PSMD3: variants seen among roughly 807,000 people sequenced by gnomAD.
The protein encoded by PSMD3 is proteasome 26S subunit, non-ATPase 3.
Under a neutral mutation model 62.8 loss-of-function variants are expected in PSMD3, and 5 were observed. That is an observed-to-expected ratio of 0.08 (90% confidence interval 0.04 to 0.17). The LOEUF (loss-of-function observed/expected upper bound fraction) is 0.17, where lower values mean the gene tolerates loss of function less well. Ranked by LOEUF, PSMD3 falls within the 10% of genes least tolerant of loss-of-function variation. The probability of loss-of-function intolerance (pLI) is 1.00; values close to 1 mark genes in which losing one functional copy is unlikely to be tolerated. For missense variants in PSMD3, 524 were observed against 713.6 expected (o/e 0.73, Z 3.03); for synonymous variants, 265 against 283.9 (o/e 0.93, Z 0.67).
intron 10 of PSMD3, 141 bp from the exon 11 acceptor site, chr17:39,997,189 C>A: frequency 1.4e-6 from 1 of 734,622 alleles, no homozygotes. Context: ...GATGCCTAGC[C>A]CCCCACTAGA....
chr17:39,992,067 G>A (rs1315476048), intron 6 of PSMD3, among the ~76,000 whole-genome samples: 4 of 148,266 alleles, frequency 2.7e-5, no homozygotes, highest in African/African-American at 5.0e-5. Context: ...TTTGAAAGAT[G>A]GGTAGGATTT....
In PSMD3 at chr17:39,996,357, CAG is replaced by C. The variant is rs1356025482; in HGVS notation, c.1476+22_1476+23del. 1.2e-6 allele frequency: 2 copies of C among 1,610,748 alleles called. No individual in the cohort carries two copies. Among genetic ancestry groups the C allele is most frequent in the Non-Finnish European group, 1.7e-6 (2 of 1,178,360 alleles). ...TGTCAAGGTGAGAAGCCCGTGGCTG[CAG>C]AGTCACGCCTGGCAGCAGCACACCC... On this transcript the variant is annotated intron_variant, in intron 10 of 11. Coordinates refer to ENST00000264639, the MANE Select transcript of PSMD3 (RefSeq NM_002809.4). This position sits in a 1 kb window ranked among gnomAD's most constrained non-coding sequence, Gnocchi z 5.1.
At chr17:39,997,430 G>T (rs1279003003) in intron 11 of PSMD3, 50 bp downstream of exon 11, 7 of 1,604,340 alleles carry the variant, frequency 4.4e-6, no homozygotes, top group Non-Finnish European at 5.9e-6. Context: ...CTTCCACACA[G>T]AAGGGGAGTC....
At chr17:39,992,077 T>C (rs1315708117) in intron 6 of PSMD3, among the ~76,000 whole-genome samples, 1 of 151,792 alleles carries the variant, frequency 6.6e-6, no homozygotes, top group African/African-American at 2.4e-5. Context: ...GGGTAGGATT[T>C]TCACAAGGAG....
intron 2 of PSMD3, 127 bp downstream of exon 2, chr17:39,984,611 C>A: frequency 1.2e-6 from 1 of 826,532 alleles, no homozygotes; most frequent in East Asian, 2.7e-5. Flanking sequence ...CAAAGCAGTC[C>A]ATTTGAATAC....
chr17:39,997,102 C>T (rs982607025), intron 10 of PSMD3, among the ~76,000 whole-genome samples: 1 of 152,184 alleles, frequency 6.6e-6, no homozygotes, highest in Admixed American at 6.5e-5. Flanking sequence ...TTTTCCTCCT[C>T]CCTGCCCAGT....
At chr17:39,989,326 A>G (rs555814302) in intron 4 of PSMD3, among the ~76,000 whole-genome samples, 1 of 151,738 alleles carries the variant, frequency 6.6e-6, no homozygotes, top group Admixed American at 6.6e-5. Context: ...TGTCCAGAAC[A>G]CTCTTCTCTC....
rs1176435530 is a variant in PSMD3, at chr17:39,995,687, C to CAG, written c.1320+167_1320+168dup. 2 of 710,066 alleles carry CAG rather than the reference C, an allele frequency of 2.8e-6. No individual in the cohort carries two copies. The highest frequency in any genetic ancestry group is 3.4e-5 in the South Asian group (2 of 58,020). 44.0% of individuals were successfully genotyped at this position (710,066 alleles called of 1,614,324 possible). ...ATTTGCAGTGAAGCCAAGAAGTTGC[C>CAG]AGAGAGAGCATGGATGTGCATGTGA... On this transcript the variant is annotated intron_variant, in intron 9 of 11. Transcript: ENST00000264639. This position sits in a 1 kb window ranked among gnomAD's most constrained non-coding sequence, Gnocchi z 4.1.
Position 39,996,585 on chromosome 17 carries a change from T to A in PSMD3, c.1476+247T>A. On this transcript the variant is annotated intron_variant, in intron 10 of 11. Coordinates refer to ENST00000264639, the MANE Select transcript of PSMD3 (RefSeq NM_002809.4). The surrounding 1 kb of genome is among the most constrained non-coding windows in gnomAD (Gnocchi z 5.1). ...TCACCAGGGAGGACCAGGCAGGGATTCAGAGGGCGGGGTTCTACATTTGGT... is the reference window on the plus strand; with the variant it reads ...TCACCAGGGAGGACCAGGCAGGGATACAGAGGGCGGGGTTCTACATTTGGT... 1 of 669,950 alleles carries A rather than the reference T, an allele frequency of 1.5e-6. No homozygotes were observed. Among genetic ancestry groups the A allele is most frequent in the South Asian group, 1.5e-5 (1 of 66,640 alleles). 41.5% of individuals were successfully genotyped at this position (669,950 alleles called of 1,614,324 possible).
At position 39,997,700 on chromosome 17, in the gene PSMD3, G is replaced by C; in HGVS notation, c.*119G>C. On this transcript the variant is annotated 3_prime_UTR_variant, in exon 12 of 12. Transcript: ENST00000264639. ...ACAGCTCATATGCTGCATTCGTGCA[G>C]GGGGTGGGGGTGCTGGGAGCCAGCC... The C allele has an allele frequency of 2.5e-6, 3 of 1,205,920 alleles. No individual in the cohort carries two copies. The highest frequency in any genetic ancestry group is 3.5e-6 in the Non-Finnish European group (3 of 851,138). 74.7% of individuals were successfully genotyped at this position (1,205,920 alleles called of 1,614,324 possible).
chr17:39,988,055 C>T lies in PSMD3; in HGVS notation c.550-628C>T, dbSNP rs200905845. 7.2e-5 allele frequency among the ~76,000 whole-genome samples: 11 copies of T among 152,300 alleles called. No individual in the cohort carries two copies. In the East Asian group the frequency reaches 1.7e-3, roughly 24 times the overall value. ...CAGGGAGGCGGAGGTTGTGGTGAGCCGGGATTGTGCCACTGCACTCCAGCC... is the reference window on the plus strand; with the variant it reads ...CAGGGAGGCGGAGGTTGTGGTGAGCTGGGATTGTGCCACTGCACTCCAGCC... On this transcript the variant is annotated intron_variant, in intron 3 of 11. Transcript: ENST00000264639.
chr17:39,990,229 CTTTTTT>C, intron 6 of PSMD3, 32 bp downstream of exon 6: 3 of 1,156,182 alleles, frequency 2.6e-6, no homozygotes, highest in Non-Finnish European at 3.5e-6. Flanking sequence ...CCCTTTGCCT[CTTTTTT>C]TTTTTTTTTT....
At position 39,997,444 on chromosome 17, in the gene PSMD3, C is replaced by T. The variant is rs796864300; in HGVS notation, c.1528-60C>T. The T allele has an allele frequency of 1.2e-4, 189 of 1,538,532 alleles. No individual in the cohort carries two copies. The highest frequency in any genetic ancestry group is 3.1e-4 in the African/African-American group (16 of 51,474). On this transcript the variant is annotated intron_variant, in intron 11 of 11. Transcript: ENST00000264639. ...ACTTCCACACAGAAGGGGAGTCGGG[C>T]GAGTGTCTGGAAGGGCTGAGCTGCT...
chr17:39,997,593 G>C lies in PSMD3; in HGVS notation c.*12G>C. 1 of 1,611,642 alleles carries C rather than the reference G, an allele frequency of 6.2e-7. No homozygotes were observed. The highest frequency in any genetic ancestry group is 1.1e-5 in the South Asian group (1 of 91,018). ...ACAGCTTCCCTTGAGCTGGGGGGCTGGGGAGGGGTAGGGGGAATGGGGACA... is the reference window on the plus strand; with the variant it reads ...ACAGCTTCCCTTGAGCTGGGGGGCTCGGGAGGGGTAGGGGGAATGGGGACA... On this transcript the variant is annotated 3_prime_UTR_variant, in exon 12 of 12. Coordinates refer to ENST00000264639, the MANE Select transcript of PSMD3 (RefSeq NM_002809.4).
Position 39,984,332 on chromosome 17 carries a change from T to G in PSMD3, c.259T>G (p.Ser87Ala), listed in dbSNP as rs1261053388. ...EHVKQLEKAV[S>A]GKEPRFVLRA... ...CGTGAAACAGCTAGAGAAAGCGGTT[T>G]CAGGCAAGGAGCCGAGATTCGTGCT... The change falls in exon 2 of 12, where the codon TCA (serine) becomes GCA (alanine). Residue 87 changes from serine to alanine, a missense_variant. This residue lies in a region of PSMD3 where 396 missense variants were observed against 475.8 expected (regional missense o/e 0.83). Transcript: ENST00000264639. The G allele has an allele frequency of 2.4e-5, 39 of 1,613,586 alleles. No homozygotes were observed. The highest frequency in any genetic ancestry group is 3.2e-5 in the Non-Finnish European group (38 of 1,180,004).
chr17:39,990,885 A>G (rs1453007749), intron 6 of PSMD3, among the ~76,000 whole-genome samples: 1 of 152,202 alleles, frequency 6.6e-6, no homozygotes, highest in Non-Finnish European at 1.5e-5. Context: ...GCCACTTAAG[A>G]GCTGTCAGTC....
chr17:39,996,467 AGCT>A lies in PSMD3; in HGVS notation c.1476+132_1476+134del. ...CCAGCCAATCTCTGTAAAATCACTG[AGCT>A]GCAGCACAGGGGGCCCAGAATGGGG... On this transcript the variant is annotated intron_variant, in intron 10 of 11. Coordinates refer to ENST00000264639, the MANE Select transcript of PSMD3 (RefSeq NM_002809.4). This position sits in a 1 kb window ranked among gnomAD's most constrained non-coding sequence, Gnocchi z 5.1. The A allele has an allele frequency of 1.5e-6, 2 of 1,302,352 alleles. No individual in the cohort carries two copies. The highest frequency in any genetic ancestry group is 2.1e-6 in the Non-Finnish European group (2 of 938,720). 80.7% of individuals were successfully genotyped at this position (1,302,352 alleles called of 1,614,324 possible).
intron 4 of PSMD3, 116 bp downstream of exon 4, chr17:39,988,935 A>G: frequency 7.2e-7 from 1 of 1,397,110 alleles, no homozygotes; most frequent in East Asian, 2.3e-5. Context: ...AGCAGGGAAG[A>G]GGGGCAGTGG....
intron 2 of PSMD3, 74 bp from the exon 3 acceptor site, chr17:39,986,501 T>G (rs536277716): frequency 6.5e-7 from 1 of 1,545,720 alleles, no homozygotes; most frequent in South Asian, 1.1e-5. Flanking sequence ...TTGAAATACA[T>G]AGTGGATGCT....
Sources: gnomAD v4.1 joint callset for allele counts (sites outside exome capture counted in the v4.1 genomes callset) on GRCh38, gnomAD v4.1.1 for gene constraint, gnomAD v4.1.1 regional missense constraint, Gnocchi (gnomAD v3.1) non-coding constraint, MANE v1.5 for transcripts, NCBI Gene and HGNC (gene_info 2026-07-23, HGNC 2026-07-21) for gene names.